Variants in MAPK6 observed in about 807,000 individuals in gnomAD.
The protein encoded by MAPK6 is ERK-3.
MAPK6 carries 19 observed loss-of-function variants against 59.3 expected under a neutral mutation model. That is an observed-to-expected ratio of 0.32 (90% CI 0.22 to 0.47). MAPK6 has a LOEUF of 0.47. MAPK6 is among the 20% of genes least tolerant of loss of function. MAPK6 has a pLI of 1.00. For missense variants in MAPK6, 724 were observed against 847.9 expected, an observed-to-expected ratio of 0.85 and a Z score of 1.81; for synonymous variants, 316 against 290.3, an observed-to-expected ratio of 1.09 and a Z score of -0.90.
intron 3 of MAPK6, among the ~76,000 whole-genome samples, chr15:52,007,391 A>G (rs2029924448): frequency 6.6e-6 from 1 of 152,156 alleles, no homozygotes; most frequent in African/African-American, 2.4e-5. Flanking sequence ...CAAAAGGCAG[A>G]AAAATAAAAA....
At chr15:52,020,413 G>A (rs770963294) in intron 1 of MAPK6, among the ~76,000 whole-genome samples, 8 of 151,176 alleles carry the variant, frequency 5.3e-5, no homozygotes, top group African/African-American at 7.3e-5. Context: ...TTGTATTAAC[G>A]GCAGAATTCG....
chr15:52,017,330 G>A, upstream of MAPK6: 1 of 152,148 alleles, frequency 6.6e-6, no homozygotes, highest in East Asian at 1.9e-4. Context: ...ATCTCACAAA[G>A]TACATTCTCA....
intron 3 of MAPK6, among the ~76,000 whole-genome samples, chr15:52,057,852 G>A (rs1285672942): frequency 6.6e-6 from 1 of 152,202 alleles, no homozygotes; most frequent in Non-Finnish European, 1.5e-5. Flanking sequence ...TATAGCATAT[G>A]TCACCATAAG....
chr15:52,013,003 AAAAAAAAAAAAAAAAAAATATAT>A (rs1297148344), intron 3 of MAPK6, among the ~76,000 whole-genome samples: 34 of 19,170 alleles, frequency 1.8e-3, no homozygotes, highest in African/African-American at 3.3e-3. Context: ...AAAAAAAAAA[AAAAAAAAAAAAAAAAAAATATAT>A]ATATATATAT....
chr15:51,997,794 G>A (rs532346358), intron 2 of MAPK6, among the ~76,000 whole-genome samples: 55 of 151,692 alleles, frequency 3.6e-4, no homozygotes, highest in Admixed American at 2.1e-3. Context: ...GTTTCGCCAT[G>A]TTGCCTAGGC....
intron 2 of MAPK6, among the ~76,000 whole-genome samples, chr15:51,992,291 CTA>C (rs1555395395): frequency 1.4e-4 from 15 of 108,376 alleles, no homozygotes; most frequent in Admixed American, 3.1e-4. Flanking sequence ...ATCTATCTAT[CTA>C]TATATATATA....
Position 52,008,412 on chromosome 15 carries a change from G to A in MAPK6, c.-632+4010G>A, listed in dbSNP as rs568533326. On this transcript the variant is annotated intron_variant, in intron 3 of 7. Transcript: ENST00000691380. ...TATCAGGACCCCCACTTACTCAGCC[G>A]TAGACAAAACAGGCTTACCTTGTAT... is the stretch of plus-strand genomic sequence containing the variant. Among the ~76,000 whole-genome samples the A allele has an allele frequency of 3.3e-5, 5 of 152,188 alleles. No homozygotes were observed. In the East Asian group the frequency reaches 5.8e-4, roughly 18 times the overall value.
At chr15:52,037,472 T>C (rs2031281117) in intron 1 of MAPK6, among the ~76,000 whole-genome samples, 1 of 152,216 alleles carries the variant, frequency 6.6e-6, no homozygotes, top group East Asian at 1.9e-4. Flanking sequence ...TCTTTGGTAT[T>C]ACATGGGCTG....
chr15:52,057,910 C>T (rs2032046470), intron 3 of MAPK6, among the ~76,000 whole-genome samples: 1 of 152,178 alleles, frequency 6.6e-6, no homozygotes, highest in Non-Finnish European at 1.5e-5. Context: ...TTGTAAGATC[C>T]ATGAAGGCAG....
intron 3 of MAPK6, among the ~76,000 whole-genome samples, chr15:52,056,079 T>A (rs1596007438): frequency 6.6e-6 from 1 of 152,200 alleles, no homozygotes; most frequent in East Asian, 1.9e-4. Context: ...AGGTATAAGT[T>A]GCAAATGAAC....
intron 1 of MAPK6, among the ~76,000 whole-genome samples, chr15:52,044,904 G>GT (rs1259372952): frequency 6.9e-6 from 1 of 143,952 alleles, no homozygotes; most frequent in Non-Finnish European, 1.5e-5. Flanking sequence ...TATGAATTTG[G>GT]TATTTGTCTC....
chr15:52,050,580 G>T (rs1214817263), intron 3 of MAPK6, among the ~76,000 whole-genome samples: 1 of 152,198 alleles, frequency 6.6e-6, no homozygotes, highest in Non-Finnish European at 1.5e-5. Context: ...AGAGGACTTT[G>T]TCAAGATGAG....
At chr15:52,014,446 C>T (rs1197453539), upstream of MAPK6, among the ~76,000 whole-genome samples, 1 of 152,132 alleles carries the variant, frequency 6.6e-6, no homozygotes, top group African/African-American at 2.4e-5. Flanking sequence ...TGCGGTGGCT[C>T]ATCCCTGTAA....
chr15:52,034,555 C>T (rs556981726), intron 1 of MAPK6, among the ~76,000 whole-genome samples: 1 of 152,080 alleles, frequency 6.6e-6, no homozygotes, highest in East Asian at 1.9e-4. Context: ...GGCTGCCTGC[C>T]TCGGCCCCCC....
At chr15:51,994,116 A>G (rs896760333) in intron 2 of MAPK6, among the ~76,000 whole-genome samples, 2 of 151,990 alleles carry the variant, frequency 1.3e-5, no homozygotes, top group Non-Finnish European at 2.9e-5. Context: ...ATTCGCCAAC[A>G]TGCCTGGCTA....
intron 2 of MAPK6, among the ~76,000 whole-genome samples, chr15:52,047,878 A>G (rs760909551): frequency 2.0e-5 from 3 of 152,222 alleles, no homozygotes; most frequent in Non-Finnish European, 2.9e-5. Flanking sequence ...CACATAAACA[A>G]TTGGTAATAA....
intron 3 of MAPK6, among the ~76,000 whole-genome samples, chr15:52,006,157 T>G (rs992649285): frequency 6.6e-6 from 1 of 152,218 alleles, no homozygotes; most frequent in Non-Finnish European, 1.5e-5. Flanking sequence ...CATGAGTTAT[T>G]GTTGACTGTT....
At chr15:52,016,070 G>GCGCGCACGCACACACACA, upstream of MAPK6, among the ~76,000 whole-genome samples, 1 of 55,394 alleles carries the variant, frequency 1.8e-5, no homozygotes, top group Non-Finnish European at 3.4e-5. Flanking sequence ...GCGCGCGCGC[G>GCGCGCACGCACACACACA]CACACACACA....
At chr15:52,042,107 G>C (rs1166119065) in intron 1 of MAPK6, among the ~76,000 whole-genome samples, 2 of 152,210 alleles carry the variant, frequency 1.3e-5, no homozygotes, top group Non-Finnish European at 2.9e-5. Context: ...ATTACTCGCA[G>C]CTTACTAATT....
Sources: gnomAD v4.1 joint callset for allele counts (sites outside exome capture counted in the v4.1 genomes callset) on GRCh38, gnomAD v4.1.1 for gene constraint, MANE v1.5 for transcripts, NCBI Gene and HGNC (gene_info 2026-07-23, HGNC 2026-07-21) for gene names.